The following SHOC1 variants were observed in gnomAD, a reference collection of about 807,000 sequenced individuals.
The protein encoded by SHOC1 is protein shortage in chiasmata 1 ortholog.
SHOC1 carries 136 observed loss-of-function variants against 179.2 expected under a neutral mutation model. The ratio of observed to expected loss-of-function variants is 0.76; its 90% confidence interval spans 0.66 to 0.87. SHOC1 has a LOEUF of 0.87. SHOC1 is among the 40% of genes least tolerant of loss of function. The pLI is 0.00. For missense variants in SHOC1, 1,538 were observed against 1,700.8 expected, an observed-to-expected ratio of 0.90 and a Z score of 1.68; for synonymous variants, 489 against 586.6, an observed-to-expected ratio of 0.83 and a Z score of 2.41.
intron 8 of SHOC1, among the ~76,000 whole-genome samples, chr9:111,752,115 G>A (rs147887104): frequency 2.6e-4 from 40 of 152,246 alleles, no homozygotes; most frequent in African/African-American, 7.9e-4. Context: ...GACATATTTC[G>A]TACTAGCTGG....
Position 111,714,490 on chromosome 9 carries a change from C to T in SHOC1, c.2370G>A (p.Leu790=). Reference sequence around the variant, plus strand: ...GCATCCAACTTAGTATCTGACATTGCAATTCTTGTATCTTGTAGTTGGTTT... The same window carrying T: ...GCATCCAACTTAGTATCTGACATTGTAATTCTTGTATCTTGTAGTTGGTTT... ...KPETNYKIQE[L]QCQILSWMQS... The change falls in exon 17 of 28, where the codon TTG becomes TTA. Residue 790 remains leucine, a synonymous_variant. Coordinates refer to ENST00000682961, the MANE Select transcript of SHOC1 (RefSeq NM_001378211.1). 2 of 1,613,884 alleles carry T rather than the reference C, an allele frequency of 1.2e-6. No homozygotes were observed. Among genetic ancestry groups the T allele is most frequent in the South Asian group, 1.1e-5 (1 of 91,078 alleles).
intron 12 of SHOC1, among the ~76,000 whole-genome samples, chr9:111,737,111 G>T (rs76480041): frequency 0.012 from 1,762 of 152,258 alleles, 33 homozygotes; most frequent in African/African-American, 0.039. Flanking sequence ...CACTCTGGGT[G>T]GGGGATGTAA....
chr9:111,744,535 G>T (rs1834182202), intron 10 of SHOC1, among the ~76,000 whole-genome samples: 2 of 152,154 alleles, frequency 1.3e-5, no homozygotes, highest in Admixed American at 1.3e-4. Context: ...ATACAGCCTT[G>T]ACTCCAGCTG....
At chr9:111,722,827 G>C (rs1016531516) in intron 14 of SHOC1, among the ~76,000 whole-genome samples, 3 of 152,094 alleles carry the variant, frequency 2.0e-5, no homozygotes, top group African/African-American at 7.2e-5. Context: ...CATTGAGACA[G>C]AGTCTTGCTC....
intron 13 of SHOC1, 78 bp downstream of exon 13, chr9:111,727,555 C>T: frequency 2.4e-6 from 3 of 1,246,642 alleles, no homozygotes; most frequent in Non-Finnish European, 3.3e-6. Flanking sequence ...AACTTTATCT[C>T]CTTGCCTTCT....
intron 21 of SHOC1, among the ~76,000 whole-genome samples, chr9:111,704,400 T>C (rs1017941394): frequency 2.0e-5 from 3 of 152,342 alleles, no homozygotes; most frequent in Admixed American, 6.5e-5. Context: ...ATATTGTTAT[T>C]ATTTTTAGAG....
chr9:111,774,555 GA>G (rs1217227640), intron 5 of SHOC1, among the ~76,000 whole-genome samples: 1 of 152,014 alleles, frequency 6.6e-6, no homozygotes, highest in Non-Finnish European at 1.5e-5. Flanking sequence ...CACTTTTTAC[GA>G]GTAGACTTGG....
chr9:111,777,791 A>C (rs1372266388), intron 4 of SHOC1, among the ~76,000 whole-genome samples: 1 of 152,212 alleles, frequency 6.6e-6, no homozygotes, highest in Non-Finnish European at 1.5e-5. Flanking sequence ...TGAAAGAAAC[A>C]AAATCAATAT....
intron 3 of SHOC1, 95 bp from the exon 4 acceptor site, chr9:111,781,112 C>A: frequency 1.2e-6 from 1 of 832,076 alleles, no homozygotes; most frequent in Non-Finnish European, 1.9e-6. Flanking sequence ...ATGATTTTAT[C>A]TTTATTTATT....
intron 23 of SHOC1, among the ~76,000 whole-genome samples, chr9:111,701,409 A>G (rs1331709398): frequency 6.6e-6 from 1 of 152,128 alleles, no homozygotes; most frequent in East Asian, 1.9e-4. Context: ...TTAGATAATT[A>G]TTTTCATGAA....
chr9:111,758,882 A>G (rs1005450308), intron 5 of SHOC1, 34 bp from the exon 6 acceptor site: 1 of 1,275,526 alleles, frequency 7.8e-7, no homozygotes, highest in Non-Finnish European at 1.1e-6. Context: ...AGGAATAAGA[A>G]AAAAACAAAA....
At chr9:111,705,410 C>A in intron 20 of SHOC1, 46 bp from the exon 21 acceptor site, 2 of 904,170 alleles carry the variant, frequency 2.2e-6, no homozygotes, top group Non-Finnish European at 3.2e-6. Context: ...ATTCTCATCT[C>A]CCAGCTCTTT....
intron 3 of SHOC1, among the ~76,000 whole-genome samples, chr9:111,782,068 C>T (rs1260869251): frequency 6.6e-6 from 1 of 152,076 alleles, no homozygotes; most frequent in African/African-American, 2.4e-5. Context: ...AAAAATTATC[C>T]AGGCGTGGTG....
chr9:111,694,052 G>C (rs1367914683), intron 25 of SHOC1, 104 bp from the exon 26 acceptor site: 1 of 1,141,088 alleles, frequency 8.8e-7, no homozygotes, highest in Admixed American at 2.5e-5. Context: ...TTAATAGTCA[G>C]TAGTCTTTCG....
At chr9:111,715,132 G>A (rs1832727026) in intron 16 of SHOC1, among the ~76,000 whole-genome samples, 1 of 152,036 alleles carries the variant, frequency 6.6e-6, no homozygotes, top group Non-Finnish European at 1.5e-5. Flanking sequence ...CTCACTAAGG[G>A]CATTTTTAAA....
At chr9:111,748,627 C>A (rs562071713) in intron 8 of SHOC1, among the ~76,000 whole-genome samples, 2 of 152,128 alleles carry the variant, frequency 1.3e-5, no homozygotes, top group African/African-American at 4.8e-5. Flanking sequence ...TTTCTTTTTT[C>A]TTTCTTTTAT....
At chr9:111,772,104 T>TTTTTCTC (rs1291848082) in intron 5 of SHOC1, among the ~76,000 whole-genome samples, 1 of 152,136 alleles carries the variant, frequency 6.6e-6, no homozygotes, top group East Asian at 1.9e-4. Context: ...TCTTTTTTCT[T>TTTTTCTC]TTTTCTCCTC....
chr9:111,714,190 T>A lies in SHOC1; in HGVS notation c.2415+255A>T, dbSNP rs187128176. Among the ~76,000 whole-genome samples the A allele has an allele frequency of 2.9e-3, 442 of 151,992 alleles. 1 individual carries two copies. Among genetic ancestry groups the A allele is most frequent in the African/African-American group, 0.01 (428 of 41,444 alleles). ...CCACCACGCCTGGCTAATTTAAAAA[T>A]TTTTTTTATAGAGACAAGGTCTCAC... On this transcript the variant is annotated intron_variant, in intron 17 of 27. Coordinates refer to ENST00000682961, the MANE Select transcript of SHOC1 (RefSeq NM_001378211.1).
chr9:111,702,142 A>T lies in SHOC1; in HGVS notation c.3052T>A (p.Trp1018Arg), dbSNP rs537317206. 17 of 1,488,294 alleles carry T rather than the reference A, an allele frequency of 1.1e-5. No homozygotes were observed. In the South Asian group the frequency reaches 2.0e-4, roughly 18 times the overall value. The allele number at this position is 1,488,294 out of a possible 1,614,324, so 92.2% of individuals were successfully genotyped here. A position where few individuals can be genotyped will look rare whatever the true frequency, so the allele number is the denominator to read the frequency against. The change falls in exon 23 of 28, where the codon TGG becomes AGG. Residue 1018 changes from tryptophan to arginine, a missense_variant. Trp to Arg is a moderately radical substitution (Grantham distance 101). Transcript: ENST00000682961. ...MALSLQYRYC[W>R]IILYTKETLN... is the part of the protein sequence containing the mutation. ...GTTTCTTTGGTATATAAAATTATCCAACAATATCTGTACTGTAATGATAAT... is the reference window on the plus strand; with the variant it reads ...GTTTCTTTGGTATATAAAATTATCCTACAATATCTGTACTGTAATGATAAT...
Sources: allele counts gnomAD v4.1 joint callset (sites outside exome capture counted in the v4.1 genomes callset), GRCh38; gene constraint gnomAD v4.1.1; transcripts MANE v1.5; gene names NCBI Gene and HGNC (gene_info 2026-07-23, HGNC 2026-07-21).